The following SDK1 variants were observed in gnomAD, a reference collection of about 807,000 sequenced individuals.
SDK1 encodes sidekick cell adhesion molecule 1.
Under a neutral mutation model 245.5 loss-of-function variants are expected in SDK1, and 157 were observed. That is an observed-to-expected ratio of 0.64 (90% CI 0.56 to 0.73). SDK1 has a LOEUF of 0.73. Among genes scored for constraint, SDK1 ranks in the 30% least tolerant of loss-of-function variants. The probability of loss-of-function intolerance (pLI) is 0.00; values close to 1 mark genes in which losing one functional copy is unlikely to be tolerated. For synonymous variants in SDK1, 1,647 were observed against 1,278.5 expected (o/e 1.29, Z -6.15); for missense variants, 3,583 against 3,002.3 (o/e 1.19, Z -4.52).
intron 1 of SDK1, among the ~76,000 whole-genome samples, chr7:3,462,062 G>C (rs1045356328): frequency 3.9e-5 from 6 of 152,052 alleles, no homozygotes; most frequent in Non-Finnish European, 1.5e-5. Flanking sequence ...CAAAGCTCCC[G>C]GAAAGAGTTG....
chr7:3,509,228 A>C (rs2128610919), intron 1 of SDK1, among the ~76,000 whole-genome samples: 1 of 152,184 alleles, frequency 6.6e-6, no homozygotes, highest in East Asian at 1.9e-4. Context: ...CCAGGATACC[A>C]CTTCTGTTAC....
At chr7:4,194,718 GCT>G (rs1370880840) in intron 35 of SDK1, among the ~76,000 whole-genome samples, 10 of 152,154 alleles carry the variant, frequency 6.6e-5, no homozygotes, top group African/African-American at 2.4e-4. Context: ...TTAAGTGGCA[GCT>G]GATGAGATGG....
intron 1 of SDK1, among the ~76,000 whole-genome samples, chr7:3,350,071 A>G (rs75478912): frequency 0.023 from 3,474 of 152,258 alleles, 146 homozygotes; most frequent in African/African-American, 0.079. Flanking sequence ...ACAAAAGGTC[A>G]TGCTATTGGT....
At chr7:3,593,449 G>C (rs935416754) in intron 1 of SDK1, among the ~76,000 whole-genome samples, 5 of 152,146 alleles carry the variant, frequency 3.3e-5, no homozygotes, top group African/African-American at 1.2e-4. Flanking sequence ...TGGTGGTTTG[G>C]AAGTGCTCAG....
intron 17 of SDK1, among the ~76,000 whole-genome samples, chr7:4,038,715 T>C (rs1353311010): frequency 2.0e-5 from 3 of 152,222 alleles, no homozygotes; most frequent in Non-Finnish European, 4.4e-5. Context: ...ATGCAGGACA[T>C]TGGAACTAGC....
At chr7:3,908,563 A>G (rs1043169008) in intron 5 of SDK1, among the ~76,000 whole-genome samples, 1 of 152,170 alleles carries the variant, frequency 6.6e-6, no homozygotes, top group African/African-American at 2.4e-5. Context: ...TGCTTAGCCC[A>G]TCTGGTACAG....
intron 4 of SDK1, among the ~76,000 whole-genome samples, chr7:3,702,138 G>A (rs1475304063): frequency 6.6e-6 from 1 of 152,096 alleles, no homozygotes; most frequent in African/African-American, 2.4e-5. Context: ...AATTCAATAA[G>A]TTGGAATTCA....
At chr7:3,326,421 C>G (rs896551578) in intron 1 of SDK1, among the ~76,000 whole-genome samples, 2 of 152,150 alleles carry the variant, frequency 1.3e-5, no homozygotes, top group Non-Finnish European at 2.9e-5. Flanking sequence ...GTTTAGTTTA[C>G]TCTGATATCA....
intron 4 of SDK1, among the ~76,000 whole-genome samples, chr7:3,768,555 G>T (rs1489051450): frequency 6.6e-6 from 1 of 152,216 alleles, no homozygotes; most frequent in African/African-American, 2.4e-5. Flanking sequence ...GTGCAGGCAT[G>T]TGCTTTACAT....
chr7:4,107,770 C>A (rs1473492344), intron 22 of SDK1, among the ~76,000 whole-genome samples: 1 of 152,200 alleles, frequency 6.6e-6, no homozygotes, highest in African/African-American at 2.4e-5. Context: ...CCCAGGCAGC[C>A]GGGGGCCTCC....
rs1451719375 is a variant in SDK1 at position 3,829,190 on chromosome 7, A to C, written c.847+7607A>C. Reference sequence around the variant, plus strand: ...AAATTATGTTCTTTTTAGTCCTTCAAATTTATGATGAAAAAATGGTAGATG... The same window carrying C: ...AAATTATGTTCTTTTTAGTCCTTCACATTTATGATGAAAAAATGGTAGATG... On this transcript the variant is annotated intron_variant, in intron 5 of 44. Coordinates refer to ENST00000404826, the MANE Select transcript of SDK1 (RefSeq NM_152744.4). 6.6e-5 allele frequency among the ~76,000 whole-genome samples: 10 copies of C among 152,334 alleles called. No individual in the cohort carries two copies. The East Asian group carries it at 1.9e-3, about 29-fold the overall frequency.
At position 3,647,668 on chromosome 7, in the gene SDK1, A is replaced by G. The variant is rs980026866; in HGVS notation, c.713+5563A>G. Among the ~76,000 whole-genome samples, 6 of 152,146 alleles carry G rather than the reference A, an allele frequency of 3.9e-5. No homozygotes were observed. The South Asian group carries it at 6.2e-4, about 16-fold the overall frequency. ...TGGTCTCGAACTCCTGACTTCAGGC[A>G]ATCCACCCGCCTCTGCCTCCCAAAG... is the stretch of plus-strand genomic sequence containing the variant. On this transcript the variant is annotated intron_variant, in intron 4 of 44. Transcript: ENST00000404826.
chr7:3,841,832 G>A (rs921633476), intron 5 of SDK1, among the ~76,000 whole-genome samples: 12 of 152,126 alleles, frequency 7.9e-5, no homozygotes, highest in Non-Finnish European at 1.2e-4. Context: ...CAAAGTGCTG[G>A]AATTGCAAGA....
intron 4 of SDK1, among the ~76,000 whole-genome samples, chr7:3,817,930 C>T (rs1192515401): frequency 1.3e-5 from 2 of 152,196 alleles, no homozygotes; most frequent in Non-Finnish European, 2.9e-5. Flanking sequence ...TCAGTCTCAG[C>T]AATGAAAAGC....
intron 17 of SDK1, among the ~76,000 whole-genome samples, chr7:4,041,637 T>TGCACACTTGAAACC (rs1312393239): frequency 5.3e-4 from 49 of 91,898 alleles, no homozygotes; most frequent in African/African-American, 2.0e-3. Flanking sequence ...CAGCCACTGG[T>TGCACACTTGAAACC]CCTTTTGCTG....
At chr7:4,129,795 G>A in intron 26 of SDK1, 113 bp from the exon 27 acceptor site, 1 of 1,540,154 alleles carries the variant, frequency 6.5e-7, no homozygotes, top group Non-Finnish European at 8.7e-7. Context: ...CCATCCTCAG[G>A]GAGAAAGCAC....
At position 4,009,029 on chromosome 7, in the gene SDK1, G is replaced by A. The variant is rs114014300; in HGVS notation, c.2132-1937G>A. Reference sequence around the variant, plus strand: ...ATTCAGAACAACCGCGAAATGGGGCGGAATTTCTTCACATCCTTCCCAACA... The same window carrying A: ...ATTCAGAACAACCGCGAAATGGGGCAGAATTTCTTCACATCCTTCCCAACA... On this transcript the variant is annotated intron_variant, in intron 14 of 44. Transcript: ENST00000404826. 9.9e-3 allele frequency among the ~76,000 whole-genome samples: 1,512 copies of A among 152,276 alleles called. 19 individuals carry two copies. Among genetic ancestry groups the A allele is most frequent in the African/African-American group, 0.029 (1,224 of 41,556 alleles).
At chr7:3,499,478 T>C (rs1782127846) in intron 1 of SDK1, among the ~76,000 whole-genome samples, 1 of 152,208 alleles carries the variant, frequency 6.6e-6, no homozygotes, top group African/African-American at 2.4e-5. Context: ...GTTAACAACA[T>C]TGCCAGTGTC....
At chr7:3,469,138 A>T (rs2128597801) in intron 1 of SDK1, among the ~76,000 whole-genome samples, 1 of 152,280 alleles carries the variant, frequency 6.6e-6, no homozygotes, top group East Asian at 1.9e-4. Flanking sequence ...ATGTAATTCC[A>T]TCAGAAATTC....
Sources: gnomAD v4.1 joint callset for allele counts (sites outside exome capture counted in the v4.1 genomes callset) on GRCh38, gnomAD v4.1.1 for gene constraint, MANE v1.5 for transcripts, NCBI Gene and HGNC (gene_info 2026-07-23, HGNC 2026-07-21) for gene names.